Variants in LGSN observed in about 807,000 individuals in gnomAD.
LGSN encodes the protein lengsin.
Under a neutral mutation model 19.5 loss-of-function variants are expected in LGSN, and 21 were observed. The ratio of observed to expected loss-of-function variants is 1.07; its 90% CI spans 0.76 to 1.55. LGSN has a LOEUF of 1.55. LGSN is among the 40% of genes most tolerant of loss of function. LGSN has a pLI of 0.00. For synonymous variants in LGSN, 257 were observed against 215.6 expected, an observed-to-expected ratio of 1.19 and a Z score of -1.68; for missense variants, 673 against 608.5, an observed-to-expected ratio of 1.11 and a Z score of -1.12.
At chr6:63,464,829 C>G in the LGSN span, among the ~76,000 whole-genome samples, 4 of 151,824 alleles carry the variant, frequency 2.6e-5, no homozygotes, top group African/African-American at 9.7e-5. Context: ...GAGTTTGAGA[C>G]CAGCCTGGCC....
At chr6:63,497,815 A>G in the LGSN span, among the ~76,000 whole-genome samples, 30 of 151,732 alleles carry the variant, frequency 2.0e-4, no homozygotes, top group African/African-American at 6.8e-4. Flanking sequence ...CATAAATTCT[A>G]TGTTCAATGG....
At chr6:63,535,336 T>C in the LGSN span, among the ~76,000 whole-genome samples, 2 of 152,018 alleles carry the variant, frequency 1.3e-5, no homozygotes, top group African/African-American at 2.4e-5. Context: ...CATAGTGGCA[T>C]GCTTGTAATC....
At chr6:63,311,736 C>G (rs1768636074) in intron 1 of LGSN, among the ~76,000 whole-genome samples, 1 of 152,176 alleles carries the variant, frequency 6.6e-6, no homozygotes, top group South Asian at 2.1e-4. Context: ...ATTTTAAAAT[C>G]CACGCACAGT....
chr6:63,320,698 C>T (rs1430210436), upstream of LGSN, among the ~76,000 whole-genome samples: 1 of 152,198 alleles, frequency 6.6e-6, no homozygotes, highest in Non-Finnish European at 1.5e-5. Flanking sequence ...CTGCTATCAA[C>T]TCAACTTCAA....
the LGSN span, among the ~76,000 whole-genome samples, chr6:63,528,235 A>G: frequency 6.6e-6 from 1 of 152,200 alleles, no homozygotes; most frequent in East Asian, 1.9e-4. Context: ...CACTAGTAAC[A>G]CAGACAGCCA....
chr6:63,381,959 C>T, the LGSN span, among the ~76,000 whole-genome samples: 1 of 152,152 alleles, frequency 6.6e-6, no homozygotes, highest in Non-Finnish European at 1.5e-5. Context: ...TACATGACAA[C>T]TCTTAAACAC....
chr6:63,323,425 C>T (rs1472379584), upstream of LGSN, among the ~76,000 whole-genome samples: 1 of 152,046 alleles, frequency 6.6e-6, no homozygotes, highest in Admixed American at 6.6e-5. Flanking sequence ...TGTCTATTCA[C>T]AGAAGACATT....
At chr6:63,374,015 T>A in the LGSN span, among the ~76,000 whole-genome samples, 3 of 152,144 alleles carry the variant, frequency 2.0e-5, no homozygotes, top group Non-Finnish European at 4.4e-5. Context: ...TAGATAAGAA[T>A]ATTTCATCAA....
rs760658811 is a variant in LGSN, at chr6:63,285,626, G to T, written c.291C>A (p.Gly97=). 3.1e-6 allele frequency: 5 copies of T among 1,613,522 alleles called. No individual in the cohort carries two copies. The highest frequency in any genetic ancestry group is 4.2e-6 in the Non-Finnish European group (5 of 1,179,656). ...CAGGGATAGTCTTAGACCTGGACAC[G>T]CCGTGGAGGTCTGTTGCTTCAAATC... ...FVRFEATDLH[G]VSRSKTIPAH... The change falls in exon 3 of 4, where the codon GGC becomes GGA. Residue 97 remains glycine (G), a synonymous_variant. Transcript: ENST00000370657.
rs528426891 is a variant in LGSN, at chr6:63,309,872, C to A, written c.30+10042G>T. 1.1e-4 allele frequency among the ~76,000 whole-genome samples: 17 copies of A among 152,298 alleles called. No homozygotes were observed. The South Asian group carries it at 3.5e-3, about 32-fold the overall frequency. ...CAATTTCTAGCCATTCTCTGTGCAT[C>A]CAATGTTACCCTTCTTCTATTCATC... On this transcript the variant is annotated intron_variant, in intron 1 of 3. Transcript: ENST00000370657.
the LGSN span, among the ~76,000 whole-genome samples, chr6:63,530,922 C>T: frequency 2.0e-5 from 3 of 152,104 alleles, no homozygotes; most frequent in Non-Finnish European, 4.4e-5. Flanking sequence ...GGTTTCCATA[C>T]CAATGGAAAA....
chr6:63,529,703 G>A, the LGSN span, among the ~76,000 whole-genome samples: 2 of 152,194 alleles, frequency 1.3e-5, no homozygotes, highest in Admixed American at 1.3e-4. Context: ...AACCAAGGGT[G>A]GAGGAAAAGG....
the LGSN span, among the ~76,000 whole-genome samples, chr6:63,469,601 T>C: frequency 6.6e-6 from 1 of 152,220 alleles, no homozygotes; most frequent in Admixed American, 6.5e-5. Flanking sequence ...TTGCTTTTGT[T>C]GGAATTTATC....
the LGSN span, among the ~76,000 whole-genome samples, chr6:63,540,929 G>A: frequency 1.3e-5 from 2 of 151,662 alleles, no homozygotes; most frequent in Non-Finnish European, 2.9e-5. Flanking sequence ...CTAGAACCCC[G>A]GGGGCGGAGG....
chr6:63,486,160 T>G, the LGSN span, among the ~76,000 whole-genome samples: 1 of 152,230 alleles, frequency 6.6e-6, no homozygotes, highest in African/African-American at 2.4e-5. Context: ...AATTTGTACT[T>G]AAGACATTTA....
chr6:63,328,637 G>T, the LGSN span, among the ~76,000 whole-genome samples: 2 of 152,196 alleles, frequency 1.3e-5, no homozygotes, highest in Admixed American at 1.3e-4. Flanking sequence ...TGGTTGTGGG[G>T]TTGTCCCACG....
chr6:63,463,367 C>T, the LGSN span, among the ~76,000 whole-genome samples: 2 of 152,102 alleles, frequency 1.3e-5, no homozygotes, highest in African/African-American at 2.4e-5. Context: ...ACTGAGGCTC[C>T]AGTAAGGTGT....
At chr6:63,316,203 T>C (rs1382540010) in intron 1 of LGSN, among the ~76,000 whole-genome samples, 3 of 152,144 alleles carry the variant, frequency 2.0e-5, no homozygotes, top group Non-Finnish European at 4.4e-5. Context: ...GCAGATTAGG[T>C]GGAACATTCA....
chr6:63,350,323 G>T, the LGSN span, among the ~76,000 whole-genome samples: 1 of 152,206 alleles, frequency 6.6e-6, no homozygotes, highest in South Asian at 2.1e-4. Flanking sequence ...TTGTTAGTAG[G>T]ACCAAATTTA....
Sources: allele counts gnomAD v4.1 joint callset (sites outside exome capture counted in the v4.1 genomes callset), GRCh38; gene constraint gnomAD v4.1.1; transcripts MANE v1.5; gene names NCBI Gene and HGNC (gene_info 2026-07-23, HGNC 2026-07-21).